RNF44: variants seen among roughly 807,000 people sequenced by gnomAD.
The protein encoded by RNF44 is ring finger protein 44.
Under a neutral mutation model 53.6 loss-of-function variants are expected in RNF44, and 25 were observed. The ratio of observed to expected loss-of-function variants is 0.47; its 90% CI spans 0.34 to 0.65. The LOEUF (loss-of-function observed/expected upper bound fraction) is 0.65, where lower values mean the gene tolerates loss of function less well. RNF44 is among the 30% of genes least tolerant of loss of function. The pLI, the probability that RNF44 is intolerant of heterozygous loss-of-function variation, is 0.01. For missense variants in RNF44, 581 were observed against 595.5 expected (o/e 0.98, Z 0.25); for synonymous variants, 282 against 252.2 (o/e 1.12, Z -1.12).
At chr5:176,541,615 G>A (rs112357326), upstream of RNF44, among the ~76,000 whole-genome samples, 2 of 152,098 alleles carry the variant, frequency 1.3e-5, no homozygotes, top group East Asian at 1.9e-4. Flanking sequence ...AGTGGGGAAG[G>A]GCTTGGGCAA....
upstream of RNF44, among the ~76,000 whole-genome samples, chr5:176,540,535 C>A (rs549796451): frequency 1.6e-4 from 24 of 152,352 alleles, no homozygotes; most frequent in African/African-American, 5.5e-4. Flanking sequence ...CTTGCGCTGG[C>A]TTCCTCAGTG....
At chr5:176,538,838 C>T (rs1757374649), upstream of RNF44, among the ~76,000 whole-genome samples, 1 of 151,896 alleles carries the variant, frequency 6.6e-6, no homozygotes, top group Non-Finnish European at 1.5e-5. Context: ...GCCACATCTG[C>T]ATATATTTCT....
intron 1 of RNF44, 121 bp from the exon 2 acceptor site, chr5:176,532,637 G>T: frequency 1.2e-6 from 1 of 803,182 alleles, no homozygotes; most frequent in Non-Finnish European, 1.8e-6. Flanking sequence ...CAGCTACTTG[G>T]GAGGCTGAGG....
rs1278766205 is a variant in RNF44 at position 176,532,379 on chromosome 5, G to A, written c.94C>T (p.Gln32Ter). The change falls in exon 2 of 11, where the codon CAG becomes TAG. Residue 32 changes from glutamine to a stop codon, truncating the protein, a stop_gained. Transcript: ENST00000274811. LOFTEE classifies it high-confidence loss of function. ...GCTCCTTCCTACCTTCCCCAGAGCT[G>A]GCCCGGGGTGCTGCCAGGTCCCGCA... ...FSAGPGSTPG[Q>*]LWGSPGLEGP... 1.2e-6 allele frequency: 2 copies of A among 1,609,374 alleles called. No individual in the cohort carries two copies. Among genetic ancestry groups the A allele is most frequent in the Admixed American group, 3.3e-5 (2 of 59,796 alleles).
At chr5:176,532,937 C>G (rs1476709576) in intron 1 of RNF44, among the ~76,000 whole-genome samples, 1 of 152,094 alleles carries the variant, frequency 6.6e-6, no homozygotes, top group Admixed American at 6.5e-5. Flanking sequence ...TGCCAGCACC[C>G]AGGCCTCACC....
In RNF44 at chr5:176,531,850, C is replaced by G; in HGVS notation, c.297+154G>C. 1.1e-6 allele frequency: 1 copy of G among 930,286 alleles called. No individual in the cohort carries two copies. Among genetic ancestry groups the G allele is most frequent in the Non-Finnish European group, 1.6e-6 (1 of 628,140 alleles). 57.6% of individuals were successfully genotyped at this position (930,286 alleles called of 1,614,324 possible). A position where few individuals can be genotyped will look rare whatever the true frequency, so the allele number is the denominator to read the frequency against. ...TGCTAGTCACCCAGTGTGGCCCTTT[C>G]CCCGGGCCTCAGTTTACCTACCTGT... On this transcript the variant is annotated intron_variant, in intron 3 of 10. Transcript: ENST00000274811. This position sits in a 1 kb window ranked among gnomAD's most constrained non-coding sequence, Gnocchi z 4.2.
At chr5:176,543,501 T>A in the RNF44 span, 5 of 152,020 alleles carry the variant, frequency 3.3e-5, no homozygotes, top group Admixed American at 3.3e-4. This position sits in a 1 kb window ranked among gnomAD's most constrained non-coding sequence, Gnocchi z 4.0. Flanking sequence ...GCACCACGCG[T>A]GCGGGGCGGA....
Position 176,530,921 on chromosome 5 carries a change from G to GTGGGGGGGGGGGGGGGGGGGGGGGGC in RNF44, c.565_566insGCCCCCCCCCCCCCCCCCCCCCCCCA (p.Ala189GlyfsTer93). The GTGGGGGGGGGGGGGGGGGGGGGGGGC allele has an allele frequency of 1.3e-6, 1 of 778,460 alleles. No individual in the cohort carries two copies. Among genetic ancestry groups the GTGGGGGGGGGGGGGGGGGGGGGGGGC allele is most frequent in the Non-Finnish European group, 1.9e-6 (1 of 514,210 alleles). The allele number at this position is 778,460 out of a possible 1,614,324, so 48.2% of individuals were successfully genotyped here. A position where few individuals can be genotyped will look rare whatever the true frequency, so the allele number is the denominator to read the frequency against. On this transcript the variant is annotated frameshift_variant, in exon 5 of 11. Coordinates refer to ENST00000274811, the MANE Select transcript of RNF44 (RefSeq NM_014901.5). LOFTEE classifies it high-confidence loss of function. The stretch of plus-strand genomic sequence containing the variant: ...CATGTGGGTGGGCTGGGGGGGTGGG[G>GTGGGGGGGGGGGGGGGGGGGGGGGGC]CCGGTGGTGGGGGGTGCAGGATGTA...
intron 1 of RNF44, among the ~76,000 whole-genome samples, chr5:176,532,946 C>A (rs1244928111): frequency 1.3e-5 from 2 of 152,116 alleles, no homozygotes; most frequent in African/African-American, 4.8e-5. Context: ...CCAGGCCTCA[C>A]CCTCCTGCTG....
upstream of RNF44, chr5:176,538,024 C>T (rs1757338982): frequency 1.3e-5 from 2 of 152,254 alleles, no homozygotes; most frequent in Admixed American, 1.3e-4. Flanking sequence ...GAGCTAACGT[C>T]TGCCGGGCAA....
rs1756357019 is a variant in RNF44 at position 176,529,505 on chromosome 5, G to A, written c.1136+18C>T. On this transcript the variant is annotated intron_variant, in intron 9 of 10. Transcript: ENST00000274811. ...CCAGCTGTGTTCAGAGGGGTGGGAG[G>A]TGGGGCAGGGTACTCACAGCGTCTG... 6.2e-7 allele frequency: 1 copy of A among 1,613,538 alleles called. No individual in the cohort carries two copies. Among genetic ancestry groups the A allele is most frequent in the Non-Finnish European group, 8.5e-7 (1 of 1,179,856 alleles).
rs202117146 is a variant in RNF44, at chr5:176,532,483, G to C, written c.-11C>G. 1.4e-4 allele frequency: 219 copies of C among 1,557,948 alleles called. 1 individual carries two copies. The African/African-American group carries it at 2.2e-3, about 16-fold the overall frequency. On this transcript the variant is annotated 5_prime_UTR_variant, in exon 2 of 11. Coordinates refer to ENST00000274811, the MANE Select transcript of RNF44 (RefSeq NM_014901.5). ...AGCCCATGGTCGCATCGGGGGGGCA[G>C]GGGGGTGGAGGGGCTGGGCCGGGAC...
upstream of RNF44, chr5:176,537,420 C>A (rs550089782): frequency 4.0e-4 from 60 of 151,754 alleles, no homozygotes; most frequent in South Asian, 0.011. Context: ...CCCCGCCCCG[C>A]GCCGGGAGCT....
At chr5:176,534,897 A>G (rs1287208723) in intron 1 of RNF44, among the ~76,000 whole-genome samples, 1 of 152,210 alleles carries the variant, frequency 6.6e-6, no homozygotes, top group Non-Finnish European at 1.5e-5. Flanking sequence ...CCAAGCCAGC[A>G]GCCTTGACTG....
chr5:176,529,709 C>T, intron 8 of RNF44, 22 bp downstream of exon 8: 1 of 1,610,706 alleles, frequency 6.2e-7, no homozygotes, highest in Non-Finnish European at 8.5e-7. Flanking sequence ...ACCCCACCTC[C>T]CAGCATGGGG....
upstream of RNF44, chr5:176,537,590 G>A (rs1283601480): frequency 2.6e-5 from 4 of 152,252 alleles, no homozygotes; most frequent in Non-Finnish European, 4.4e-5. Context: ...ACATAAAGAT[G>A]GGGAGACCCC....
In RNF44 at chr5:176,527,835, A is replaced by AG. The variant is rs1338308392; in HGVS notation, c.*1192dup. Reference sequence around the variant, plus strand: ...TTGGAGGACAGGGATCAGGCTGGGAAGGCCCCCTGGAGATGGGGGTCCACA... The same window carrying AG: ...TTGGAGGACAGGGATCAGGCTGGGAAGGGCCCCCTGGAGATGGGGGTCCACA... On this transcript the variant is annotated 3_prime_UTR_variant, in exon 11 of 11. Coordinates refer to ENST00000274811, the MANE Select transcript of RNF44 (RefSeq NM_014901.5). 1.3e-5 allele frequency: 2 copies of AG among 152,322 alleles called. No individual in the cohort carries two copies. Among genetic ancestry groups the AG allele is most frequent in the African/African-American group, 4.8e-5 (2 of 41,418 alleles). 9.4% of individuals were successfully genotyped at this position (152,322 alleles called of 1,614,324 possible).
At chr5:176,535,952 T>A (rs760198995) in intron 1 of RNF44, 6 of 151,966 alleles carry the variant, frequency 3.9e-5, no homozygotes, top group African/African-American at 7.3e-5. Flanking sequence ...CACCCACCCA[T>A]GAGAGCCGGC....
chr5:176,530,519 C>A, intron 6 of RNF44, 63 bp downstream of exon 6: 1 of 1,355,202 alleles, frequency 7.4e-7, no homozygotes, highest in Non-Finnish European at 9.5e-7. Flanking sequence ...AGATGCAGGT[C>A]GGCCCAGCGG....
Sources: allele counts gnomAD v4.1 joint callset (sites outside exome capture counted in the v4.1 genomes callset), GRCh38; gene constraint gnomAD v4.1.1; non-coding constraint Gnocchi (gnomAD v3.1); transcripts MANE v1.5; gene names NCBI Gene and HGNC (gene_info 2026-07-23, HGNC 2026-07-21).